The following CFAP300 variants were observed in gnomAD, a reference collection of about 807,000 sequenced individuals.
CFAP300 encodes cilia and flagella associated protein 300.
A neutral mutation model predicts 33.0 loss-of-function variants in CFAP300; 32 were observed. The observed-to-expected ratio is 0.97, with a 90% CI of 0.73 to 1.30. The LOEUF is 1.30. Among genes scored for constraint, CFAP300 ranks in the 50% most tolerant of loss-of-function variants. The pLI is 0.00. For missense variants in CFAP300, 356 were observed against 318.1 expected (o/e 1.12, Z -0.90); for synonymous variants, 102 against 106.8 (o/e 0.95, Z 0.28).
chr11:102,054,462 G>A (rs946809875), intron 2 of CFAP300, among the ~76,000 whole-genome samples: 1 of 152,112 alleles, frequency 6.6e-6, no homozygotes, highest in African/African-American at 2.4e-5. Context: ...GCTGGGCTCG[G>A]TGGTGCACGC....
intron 5 of CFAP300, among the ~76,000 whole-genome samples, chr11:102,076,932 T>C (rs1942403432): frequency 6.6e-6 from 1 of 152,224 alleles, no homozygotes; most frequent in African/African-American, 2.4e-5. Context: ...TACAGATTAT[T>C]GGAAGAAGAT....
chr11:102,072,474 T>G (rs1942327137), intron 4 of CFAP300, among the ~76,000 whole-genome samples: 1 of 152,074 alleles, frequency 6.6e-6, no homozygotes. Context: ...GAGAATTTTT[T>G]TTTTTAGGAC....
At chr11:102,069,062 G>T (rs908043356) in intron 4 of CFAP300, among the ~76,000 whole-genome samples, 4 of 152,110 alleles carry the variant, frequency 2.6e-5, no homozygotes, top group Non-Finnish European at 5.9e-5. Context: ...AGAAGTATTA[G>T]TTTTCCAACA....
intron 1 of CFAP300, 78 bp downstream of exon 1, chr11:102,047,658 C>T: frequency 1.4e-6 from 2 of 1,475,426 alleles, no homozygotes; most frequent in South Asian, 2.5e-5. Context: ...CGTCGAGGGG[C>T]CCGCGCGGGT....
chr11:102,074,828 G>C (rs1031520862), intron 4 of CFAP300, among the ~76,000 whole-genome samples: 1 of 151,426 alleles, frequency 6.6e-6, no homozygotes, highest in African/African-American at 2.4e-5. Flanking sequence ...TCAACCTCCT[G>C]ATTCACTAGG....
intron 2 of CFAP300, among the ~76,000 whole-genome samples, chr11:102,054,043 C>T (rs941807382): frequency 6.6e-6 from 1 of 152,152 alleles, no homozygotes; most frequent in Non-Finnish European, 1.5e-5. Flanking sequence ...TCTTTGTTTG[C>T]TGGTTGTTAC....
chr11:102,082,529 G>GT (rs769330015), intron 6 of CFAP300, among the ~76,000 whole-genome samples: 1 of 152,128 alleles, frequency 6.6e-6, no homozygotes, highest in Non-Finnish European at 1.5e-5. Flanking sequence ...AATTATGCAT[G>GT]TAAGTATAGT....
chr11:102,082,439 G>C (rs568256688), intron 6 of CFAP300, among the ~76,000 whole-genome samples: 1 of 151,438 alleles, frequency 6.6e-6, no homozygotes, highest in African/African-American at 2.4e-5. Flanking sequence ...ATATAAAATT[G>C]TTGCAATATT....
At chr11:102,055,482 C>T (rs577702077) in intron 2 of CFAP300, among the ~76,000 whole-genome samples, 74 of 150,066 alleles carry the variant, frequency 4.9e-4, no homozygotes, top group Non-Finnish European at 6.2e-4. Flanking sequence ...CTCAGCCTCC[C>T]GAGTAGCTGG....
At chr11:102,081,542 G>C in intron 6 of CFAP300, 1 of 530,554 alleles carries the variant, frequency 1.9e-6, no homozygotes, top group East Asian at 3.0e-5. Flanking sequence ...GACTCAGATA[G>C]AGTAGAACAC....
chr11:102,060,075 G>T (rs180868592), intron 3 of CFAP300, among the ~76,000 whole-genome samples: 1 of 151,916 alleles, frequency 6.6e-6, no homozygotes, highest in Admixed American at 6.6e-5. Flanking sequence ...AGGTTCAAAC[G>T]ATTCTCCTGC....
intron 4 of CFAP300, among the ~76,000 whole-genome samples, chr11:102,070,405 G>A (rs1182850929): frequency 1.3e-5 from 2 of 152,162 alleles, no homozygotes; most frequent in African/African-American, 4.8e-5. Flanking sequence ...ATAATTAAGT[G>A]CACTTGCTAC....
Position 102,083,313 on chromosome 11 carries a change from C to G in CFAP300, c.*114C>G, listed in dbSNP as rs947368579. ...ATTAATTCAAGAAAAATGTAAGGAG[C>G]CTACTTAGAGCAGAAGAAAGCAAAC... is the stretch of plus-strand genomic sequence containing the variant. On this transcript the variant is annotated 3_prime_UTR_variant, in exon 7 of 7. Transcript: ENST00000434758. The G allele has an allele frequency of 1.3e-5, 11 of 852,712 alleles. No individual in the cohort carries two copies. In the Admixed American group the frequency reaches 1.8e-4, roughly 14 times the overall value. The allele number at this position is 852,712 out of a possible 1,614,324, so 52.8% of individuals were successfully genotyped here. A position where few individuals can be genotyped will look rare whatever the true frequency, so the allele number is the denominator to read the frequency against.
intron 2 of CFAP300, among the ~76,000 whole-genome samples, chr11:102,054,416 G>A (rs1224421492): frequency 6.6e-6 from 1 of 151,936 alleles, no homozygotes; most frequent in African/African-American, 2.4e-5. Context: ...GCAGGAACCA[G>A]ATAGAGAGGA....
intron 5 of CFAP300, among the ~76,000 whole-genome samples, chr11:102,080,489 C>T (rs963734722): frequency 6.6e-6 from 1 of 152,092 alleles, no homozygotes; most frequent in African/African-American, 2.4e-5. Context: ...GCAATCTTGG[C>T]TCATCGCAAC....
intron 5 of CFAP300, among the ~76,000 whole-genome samples, chr11:102,078,790 C>T (rs972676976): frequency 6.6e-6 from 1 of 152,134 alleles, no homozygotes; most frequent in African/African-American, 2.4e-5. Flanking sequence ...CTCACTGCAA[C>T]CTCCGCCTAC....
At chr11:102,081,730 A>G (rs1229175362) in intron 6 of CFAP300, among the ~76,000 whole-genome samples, 3 of 152,078 alleles carry the variant, frequency 2.0e-5, no homozygotes, top group Non-Finnish European at 4.4e-5. Context: ...GTCTCTACTA[A>G]AAATACAAAA....
intron 4 of CFAP300, among the ~76,000 whole-genome samples, chr11:102,071,987 G>A (rs1942319807): frequency 6.6e-6 from 1 of 151,980 alleles, no homozygotes; most frequent in Non-Finnish European, 1.5e-5. Flanking sequence ...TACTTATTTG[G>A]GGATCTTTAA....
intron 4 of CFAP300, among the ~76,000 whole-genome samples, chr11:102,067,437 C>T (rs1306909016): frequency 2.0e-5 from 3 of 151,992 alleles, no homozygotes; most frequent in Non-Finnish European, 4.4e-5. Flanking sequence ...ATCAACAAAG[C>T]CATTGGATTA....
Sources: allele counts gnomAD v4.1 joint callset (sites outside exome capture counted in the v4.1 genomes callset), GRCh38; gene constraint gnomAD v4.1.1; transcripts MANE v1.5; gene names NCBI Gene and HGNC (gene_info 2026-07-23, HGNC 2026-07-21).